GRID1: variants seen among roughly 807,000 people sequenced by gnomAD.
The protein encoded by GRID1 is glutamate ionotropic receptor delta type subunit 1, also known as glutamate receptor ionotropic, delta-1.
Under a neutral mutation model 98.0 loss-of-function variants are expected in GRID1, and 28 were observed. The ratio of observed to expected loss-of-function variants is 0.29; its 90% CI spans 0.21 to 0.39. The LOEUF (loss-of-function observed/expected upper bound fraction) is 0.39, where lower values mean the gene tolerates loss of function less well. Ranked by LOEUF, GRID1 falls within the 10% of genes least tolerant of loss-of-function variation. GRID1 has a pLI of 1.00. For missense variants in GRID1, 1,111 were observed against 1,340.5 expected (o/e 0.83, Z 2.67); for synonymous variants, 553 against 538.5 (o/e 1.03, Z -0.37).
intron 2 of GRID1, among the ~76,000 whole-genome samples, chr10:86,323,343 T>C (rs1847996667): frequency 6.6e-6 from 1 of 152,204 alleles, no homozygotes; most frequent in Admixed American, 6.5e-5. Flanking sequence ...TGACTTACTA[T>C]GTATAAAGCA....
At chr10:85,634,998 G>GAAAAAAAAAAAAAAA (rs140144576) in intron 13 of GRID1, among the ~76,000 whole-genome samples, 8 of 35,008 alleles carry the variant, frequency 2.3e-4, no homozygotes, top group African/African-American at 3.7e-4. Flanking sequence ...GAGGAAATCT[G>GAAAAAAAAAAAAAAA]AAAAAAAAAA....
At chr10:85,776,841 AC>A (rs1253916235) in intron 8 of GRID1, among the ~76,000 whole-genome samples, 1 of 152,188 alleles carries the variant, frequency 6.6e-6, no homozygotes, top group Non-Finnish European at 1.5e-5. Context: ...TGCTGTGTCC[AC>A]TGAATCTCAA....
At chr10:86,193,385 C>T (rs1470038366) in intron 3 of GRID1, among the ~76,000 whole-genome samples, 2 of 152,084 alleles carry the variant, frequency 1.3e-5, no homozygotes, top group African/African-American at 2.4e-5. Flanking sequence ...ACGCAAGGCA[C>T]GTTATTCTCT....
intron 8 of GRID1, among the ~76,000 whole-genome samples, chr10:85,820,019 AAGGAAGGAAGGCAGGCAGGC>A (rs1198262952): frequency 1.0e-3 from 114 of 112,772 alleles, no homozygotes; most frequent in African/African-American, 5.2e-3. Context: ...GGAAGGAAGG[AAGGAAGGAAGGCAGGCAGGC>A]AGGCAGGCAG....
intron 2 of GRID1, among the ~76,000 whole-genome samples, chr10:86,278,089 T>C (rs989285587): frequency 6.6e-6 from 1 of 152,056 alleles, no homozygotes; most frequent in Non-Finnish European, 1.5e-5. Context: ...TAAATGTAAA[T>C]GGGTTAAACT....
intron 2 of GRID1, among the ~76,000 whole-genome samples, chr10:86,318,026 C>T (rs1847922322): frequency 6.6e-6 from 1 of 152,188 alleles, no homozygotes; most frequent in Non-Finnish European, 1.5e-5. Context: ...CTGGCACAAG[C>T]CACTGCCCCT....
intron 5 of GRID1, among the ~76,000 whole-genome samples, chr10:85,880,075 G>A (rs903076973): frequency 9.2e-5 from 14 of 152,172 alleles, no homozygotes; most frequent in African/African-American, 3.4e-4. Flanking sequence ...AAACCAGGAA[G>A]AAGTTGAATC....
intron 12 of GRID1, among the ~76,000 whole-genome samples, chr10:85,718,376 A>G (rs970203562): frequency 1.3e-5 from 2 of 151,828 alleles, no homozygotes; most frequent in African/African-American, 4.8e-5. Context: ...TATGGAGTCC[A>G]CACCCCAGTA....
chr10:86,225,055 A>G (rs1156757979), intron 2 of GRID1, among the ~76,000 whole-genome samples: 2 of 152,258 alleles, frequency 1.3e-5, no homozygotes, highest in East Asian at 3.8e-4. Context: ...GCCCAGGTGC[A>G]GAGGACTGGT....
Position 86,169,758 on chromosome 10 carries a change from T to C in GRID1, c.521-30734A>G, listed in dbSNP as rs559116738. On this transcript the variant is annotated intron_variant, in intron 3 of 15. Coordinates refer to ENST00000327946, the MANE Select transcript of GRID1 (RefSeq NM_017551.3). ...TCAGGAGTCCCCAGAAGATGTCCCA[T>C]TGCTAGAGGCAAAGCCCTGCCATGG... 2.0e-3 allele frequency among the ~76,000 whole-genome samples: 309 copies of C among 152,272 alleles called. 1 individual carries two copies. The highest frequency in any genetic ancestry group is 7.1e-3 in the African/African-American group (293 of 41,558).
In GRID1 at chr10:85,829,488, T is replaced by C. The variant is rs74667523; in HGVS notation, c.1233+25008A>G. ...GAGAAAGAAATAAAGGGCATCCCAA[T>C]AGCAAGAGATTGGAAGTCAAACTAT... is the stretch of plus-strand genomic sequence containing the variant. On this transcript the variant is annotated intron_variant, in intron 8 of 15. Transcript: ENST00000327946. Among the ~76,000 whole-genome samples the C allele has an allele frequency of 1.2e-4, 19 of 152,198 alleles. No homozygotes were observed. The East Asian group carries it at 3.7e-3, about 29-fold the overall frequency.
At chr10:85,958,957 C>CA (rs199786360) in intron 4 of GRID1, among the ~76,000 whole-genome samples, 10,414 of 99,018 alleles carry the variant, frequency 0.11, 527 homozygotes, top group East Asian at 0.17. Flanking sequence ...AACTCCGTCT[C>CA]AAAAAAAAAA....
intron 2 of GRID1, among the ~76,000 whole-genome samples, chr10:86,362,906 AC>A (rs1848619473): frequency 6.6e-6 from 1 of 152,192 alleles, no homozygotes; most frequent in African/African-American, 2.4e-5. Flanking sequence ...ACACTTCTCT[AC>A]CAGTTCCTCC....
intron 12 of GRID1, among the ~76,000 whole-genome samples, chr10:85,709,359 A>C (rs983372954): frequency 1.5e-4 from 23 of 152,254 alleles, no homozygotes; most frequent in Non-Finnish European, 2.2e-4. Flanking sequence ...TGGCTGAACA[A>C]TAAATAAAAA....
At chr10:85,889,297 C>T (rs568357766) in intron 5 of GRID1, among the ~76,000 whole-genome samples, 1 of 152,244 alleles carries the variant, frequency 6.6e-6, no homozygotes, top group African/African-American at 2.4e-5. Flanking sequence ...AAAGGAGTTT[C>T]AATTTTGTAA....
intron 5 of GRID1, among the ~76,000 whole-genome samples, chr10:85,897,340 G>A (rs1020721692): frequency 2.6e-5 from 4 of 152,158 alleles, no homozygotes; most frequent in African/African-American, 7.2e-5. Context: ...TAGGCAAACT[G>A]TCATAATGGT....
At chr10:85,759,187 G>A (rs1443306714) in intron 8 of GRID1, among the ~76,000 whole-genome samples, 1 of 152,176 alleles carries the variant, frequency 6.6e-6, no homozygotes, top group African/African-American at 2.4e-5. Flanking sequence ...TGACTACAGA[G>A]GTGTTGTCTT....
intron 8 of GRID1, among the ~76,000 whole-genome samples, chr10:85,801,816 A>C (rs561180692): frequency 6.6e-6 from 1 of 152,050 alleles, no homozygotes; most frequent in Admixed American, 6.5e-5. Context: ...AGGGAAAAAA[A>C]CCTAAGAATT....
chr10:85,646,374 A>G (rs536278892), intron 13 of GRID1: 1 of 152,554 alleles, frequency 6.6e-6, no homozygotes, highest in African/African-American at 2.4e-5. Flanking sequence ...CAGCAGCAAA[A>G]TCATAACACC....
Sources: allele counts gnomAD v4.1 joint callset (sites outside exome capture counted in the v4.1 genomes callset), GRCh38; gene constraint gnomAD v4.1.1; transcripts MANE v1.5; gene names NCBI Gene and HGNC (gene_info 2026-07-23, HGNC 2026-07-21).